AGBL4: variants seen among roughly 807,000 people sequenced by gnomAD.
AGBL4 encodes AGBL carboxypeptidase 4, also known as cytosolic carboxypeptidase 6.
A neutral mutation model predicts 66.4 loss-of-function variants in AGBL4; 58 were observed. That is an observed-to-expected ratio of 0.87 (90% CI 0.71 to 1.09). AGBL4 has a LOEUF of 1.09. Ranked by LOEUF, AGBL4 falls within the 50% of genes least tolerant of loss-of-function variation. The probability of loss-of-function intolerance (pLI) is 0.00; values close to 1 mark genes in which losing one functional copy is unlikely to be tolerated. For synonymous variants in AGBL4, 234 were observed against 222.9 expected (o/e 1.05, Z -0.44); for missense variants, 579 against 631.0 (o/e 0.92, Z 0.88).
chr1:49,437,759 A>G (rs1457625967), intron 3 of AGBL4, among the ~76,000 whole-genome samples: 1 of 147,726 alleles, frequency 6.8e-6, no homozygotes, highest in Non-Finnish European at 1.5e-5. Flanking sequence ...AGTCTTGTGG[A>G]AATTATTAGA....
intron 3 of AGBL4, among the ~76,000 whole-genome samples, chr1:49,366,261 CT>C (rs774069503): frequency 3.3e-5 from 5 of 152,112 alleles, no homozygotes; most frequent in Non-Finnish European, 5.9e-5. Context: ...ATGCTACAAG[CT>C]CAAAAATATT....
At chr1:49,058,349 G>C (rs927212997) in intron 4 of AGBL4, among the ~76,000 whole-genome samples, 1 of 152,112 alleles carries the variant, frequency 6.6e-6, no homozygotes, top group Non-Finnish European at 1.5e-5. Context: ...GTGATAGTGA[G>C]TGAGTTCTCA....
In AGBL4 at chr1:49,457,587, T is replaced by C. The variant is rs548302953; in HGVS notation, c.283-211723A>G. ...TAACTCGGTTCCATCTTTTTATCTT[T>C]GTTTTTGTTGCATTTGCTTTTGGGT... On this transcript the variant is annotated intron_variant, in intron 3 of 13. Transcript: ENST00000371839. 2.2e-3 allele frequency among the ~76,000 whole-genome samples: 341 copies of C among 151,912 alleles called. 5 individuals are homozygous for C. Among genetic ancestry groups the C allele is most frequent in the African/African-American group, 7.9e-3 (328 of 41,510 alleles).
chr1:49,170,054 G>A (rs1646705857), intron 4 of AGBL4, among the ~76,000 whole-genome samples: 1 of 151,610 alleles, frequency 6.6e-6, no homozygotes, highest in African/African-American at 2.4e-5. Context: ...CTCACGTGAT[G>A]GATGCACTAA....
chr1:48,798,212 C>T (rs1378910134), intron 6 of AGBL4, among the ~76,000 whole-genome samples: 1 of 152,116 alleles, frequency 6.6e-6, no homozygotes, highest in East Asian at 1.9e-4. Context: ...CTTTGATTTG[C>T]GTTTCCCTGA....
chr1:49,385,030 T>C (rs2148582123), intron 3 of AGBL4, among the ~76,000 whole-genome samples: 1 of 152,252 alleles, frequency 6.6e-6, no homozygotes, highest in Non-Finnish European at 1.5e-5. Flanking sequence ...TGGAGGACAT[T>C]CCGTTAAGTG....
At chr1:48,751,113 A>G (rs368704240) in intron 6 of AGBL4, among the ~76,000 whole-genome samples, 6 of 152,128 alleles carry the variant, frequency 3.9e-5, no homozygotes, top group South Asian at 2.1e-4. Context: ...TTGTCCATCT[A>G]TAAGATAGGG....
At chr1:50,008,252 T>C (rs962133155) in intron 1 of AGBL4, among the ~76,000 whole-genome samples, 3 of 152,190 alleles carry the variant, frequency 2.0e-5, no homozygotes, top group Admixed American at 1.3e-4. Context: ...TTCTCAAGGA[T>C]AGACCATATA....
At chr1:48,706,264 TTAAG>T (rs1211839459) in intron 6 of AGBL4, among the ~76,000 whole-genome samples, 3 of 152,120 alleles carry the variant, frequency 2.0e-5, no homozygotes, top group Admixed American at 6.5e-5. Context: ...AAAAGGAAAC[TTAAG>T]TAAGGAAAAA....
chr1:49,540,970 G>A (rs1320485932), intron 3 of AGBL4, among the ~76,000 whole-genome samples: 1 of 151,996 alleles, frequency 6.6e-6, no homozygotes, highest in African/African-American at 2.4e-5. Context: ...AAATAGGCTT[G>A]GAGAAATCAC....
chr1:49,556,083 T>C (rs948479594), intron 3 of AGBL4, among the ~76,000 whole-genome samples: 1 of 152,224 alleles, frequency 6.6e-6, no homozygotes, highest in African/African-American at 2.4e-5. Context: ...TGCACACGTA[T>C]GTTTATTGCG....
intron 3 of AGBL4, among the ~76,000 whole-genome samples, chr1:49,329,436 C>A (rs143958140): frequency 1.3e-5 from 2 of 152,084 alleles, no homozygotes; most frequent in East Asian, 3.9e-4. Flanking sequence ...GAGGCTGAGG[C>A]GGGTGGATTG....
intron 2 of AGBL4, chr1:49,844,635 ACT>A: frequency 6.6e-7 from 1 of 1,510,858 alleles, no homozygotes; most frequent in Admixed American, 2.1e-5. Flanking sequence ...CTCACCACAA[ACT>A]CTTTTGCCCT....
chr1:48,816,210 A>T (rs1013011892), intron 6 of AGBL4, among the ~76,000 whole-genome samples: 6 of 152,098 alleles, frequency 3.9e-5, no homozygotes, highest in African/African-American at 1.4e-4. Flanking sequence ...TTAAATGCTT[A>T]TGTCAGATTA....
chr1:49,611,496 C>T (rs1041592998), intron 3 of AGBL4, among the ~76,000 whole-genome samples: 3 of 151,744 alleles, frequency 2.0e-5, no homozygotes, highest in Non-Finnish European at 4.4e-5. Flanking sequence ...CTGCCTCAGC[C>T]TCCCAAGTAG....
intron 5 of AGBL4, among the ~76,000 whole-genome samples, chr1:48,991,101 A>G (rs2148978081): frequency 6.6e-6 from 1 of 152,298 alleles, no homozygotes; most frequent in Admixed American, 6.5e-5. Flanking sequence ...GTTTATTAAC[A>G]TCATTTTCTT....
chr1:48,707,193 C>T (rs1180763085), intron 6 of AGBL4, among the ~76,000 whole-genome samples: 2 of 152,124 alleles, frequency 1.3e-5, no homozygotes, highest in East Asian at 3.9e-4. Flanking sequence ...ACTTGGGAGG[C>T]TGAGGTGGGA....
At chr1:48,723,503 A>G (rs1321788366) in intron 6 of AGBL4, among the ~76,000 whole-genome samples, 1 of 152,212 alleles carries the variant, frequency 6.6e-6, no homozygotes, top group African/African-American at 2.4e-5. Context: ...AGAAGTGAAA[A>G]TATCTATTGG....
intron 3 of AGBL4, among the ~76,000 whole-genome samples, chr1:49,417,781 A>C (rs1031862859): frequency 3.3e-5 from 5 of 152,134 alleles, no homozygotes; most frequent in Admixed American, 3.3e-4. Flanking sequence ...TTTATTTGAC[A>C]TGCAATCAAC....
Sources: gnomAD v4.1 joint callset for allele counts (sites outside exome capture counted in the v4.1 genomes callset) on GRCh38, gnomAD v4.1.1 for gene constraint, MANE v1.5 for transcripts, NCBI Gene and HGNC (gene_info 2026-07-23, HGNC 2026-07-21) for gene names.